Variants in KTN1 observed in about 807,000 individuals in gnomAD.
KTN1 encodes the protein kinectin.
Under a neutral mutation model 222.5 loss-of-function variants are expected in KTN1, and 130 were observed. The ratio of observed to expected loss-of-function variants is 0.58; its 90% CI spans 0.51 to 0.68. KTN1 has a LOEUF of 0.68. Among genes scored for constraint, KTN1 ranks in the 30% least tolerant of loss-of-function variants. KTN1 has a pLI of 0.00. For missense variants in KTN1, 1,508 were observed against 1,500.4 expected (o/e 1.01, Z -0.08); for synonymous variants, 512 against 496.3 (o/e 1.03, Z -0.42).
At chr14:55,613,517 G>A (rs2037905148) in intron 2 of KTN1, among the ~76,000 whole-genome samples, 1 of 147,944 alleles carries the variant, frequency 6.8e-6, no homozygotes, top group Non-Finnish European at 1.5e-5. Context: ...TTTTGAGATG[G>A]GAGTCTCACA....
intron 1 of KTN1, among the ~76,000 whole-genome samples, chr14:55,589,660 T>C (rs536626943): frequency 6.9e-4 from 96 of 139,792 alleles, no homozygotes; most frequent in Non-Finnish European, 1.2e-3. Flanking sequence ...TGATTTCTTT[T>C]TTTTTTTTTT....
intron 24 of KTN1, chr14:55,651,620 C>T: frequency 4.7e-6 from 2 of 425,056 alleles, no homozygotes; most frequent in Non-Finnish European, 8.6e-6. Flanking sequence ...CACTGCTTCA[C>T]TTGACTAGCC....
At chr14:55,582,778 T>G (rs903595743) in intron 1 of KTN1, among the ~76,000 whole-genome samples, 5 of 152,166 alleles carry the variant, frequency 3.3e-5, no homozygotes, top group African/African-American at 1.2e-4. Context: ...ACCTAATATG[T>G]AATAAGGAAA....
At chr14:55,637,978 C>A in intron 12 of KTN1, 131 bp downstream of exon 12, 1 of 646,300 alleles carries the variant, frequency 1.5e-6, no homozygotes. Flanking sequence ...AATGATGATC[C>A]TGAGTGCTAA....
At position 55,616,563 on chromosome 14, in the gene KTN1, G is replaced by A. The variant is rs367927063; in HGVS notation, c.570G>A (p.Arg190=). 11 of 1,605,820 alleles carry A rather than the reference G, an allele frequency of 6.9e-6. No individual in the cohort carries two copies. The highest frequency in any genetic ancestry group is 9.3e-6 in the Non-Finnish European group (11 of 1,177,644). Residue 190 remains arginine, a synonymous_variant, in exon 3 of 44, where the codon AGG becomes AGA. Transcript: ENST00000395314. ...AAACTCTCATGGTACCATCAAAAAG[G>A]CAAGAAGCATTGCCCCTCCACCAAG... ...KVETLMVPSK[R]QEALPLHQET...
chr14:55,650,614 G>A lies in KTN1; in HGVS notation c.2542G>A (p.Val848Ile). 1 of 1,612,314 alleles carries A rather than the reference G, an allele frequency of 6.2e-7. No individual in the cohort carries two copies. Among genetic ancestry groups the A allele is most frequent in the Non-Finnish European group, 8.5e-7 (1 of 1,178,548 alleles). ...IKALKEEIGN[V>I]QLEKAQQLSI... ...GGCTCTAAAAGAAGAAATAGGAAAT[G>A]TCCAGCTTGAAAAGGCTCAACAGGT... Residue 848 changes from valine to isoleucine, a missense_variant, in exon 24 of 44, where the codon GTC (valine) becomes ATC (isoleucine). By Grantham distance (29) the Val-to-Ile change is conservative. Coordinates refer to ENST00000395314, the MANE Select transcript of KTN1 (RefSeq NM_001079521.2).
intron 33 of KTN1, among the ~76,000 whole-genome samples, chr14:55,665,081 C>T (rs1353704608): frequency 2.0e-5 from 3 of 151,430 alleles, no homozygotes; most frequent in African/African-American, 7.3e-5. Context: ...ATTTATCTAG[C>T]CATAATTTTC....
Position 55,616,651 on chromosome 14 carries a change from A to C in KTN1, c.658A>C (p.Asn220His). 6.3e-7 allele frequency: 1 copy of C among 1,591,086 alleles called. No homozygotes were observed. Among genetic ancestry groups the C allele is most frequent in the South Asian group, 1.1e-5 (1 of 87,534 alleles). Residue 220 changes from asparagine to histidine, a missense_variant, in exon 3 of 44, where the codon AAT (asparagine) becomes CAT (histidine). Asn to His is a moderately conservative substitution (Grantham distance 68). Coordinates refer to ENST00000395314, the MANE Select transcript of KTN1 (RefSeq NM_001079521.2). ...KASSKKQKTENVFVDEPLIHA... is the reference protein window; with the variant it reads ...KASSKKQKTEHVFVDEPLIHA... ...TTCATCAAAGAAACAAAAGACAGAAAATGGTGAGATGTTTAGATATGTATT... is the reference window on the plus strand; with the variant it reads ...TTCATCAAAGAAACAAAAGACAGAACATGGTGAGATGTTTAGATATGTATT...
rs544192215 is a variant in KTN1, at chr14:55,669,574, G to C, written c.3268-1155G>C. ...CTGTTTCCTCTTGCTGTTTTGCTGA[G>C]CAGTCAACATAGGAGAGATCTAAAT... On this transcript the variant is annotated intron_variant, in intron 34 of 43. Coordinates refer to ENST00000395314, the MANE Select transcript of KTN1 (RefSeq NM_001079521.2). Among the ~76,000 whole-genome samples, 18 of 151,972 alleles carry C rather than the reference G, an allele frequency of 1.2e-4. No homozygotes were observed. In the South Asian group the frequency reaches 3.7e-3, roughly 32 times the overall value.
intron 2 of KTN1, among the ~76,000 whole-genome samples, chr14:55,616,295 A>G (rs2038382428): frequency 2.0e-5 from 3 of 152,132 alleles, no homozygotes; most frequent in Non-Finnish European, 2.9e-5. Flanking sequence ...CTATAGGCTC[A>G]GTAGGGTTGA....
intron 1 of KTN1, among the ~76,000 whole-genome samples, chr14:55,594,576 A>C (rs747949555): frequency 2.0e-5 from 3 of 149,394 alleles, no homozygotes; most frequent in Non-Finnish European, 4.4e-5. Context: ...TGTTGTCTCC[A>C]ACTTGAAAAT....
chr14:55,649,721 C>T, intron 21 of KTN1, 55 bp from the exon 22 acceptor site: 2 of 1,008,758 alleles, frequency 2.0e-6, no homozygotes, highest in Non-Finnish European at 3.0e-6. Context: ...ATTTCTATTT[C>T]TGACCCATTT....
At position 55,631,712 on chromosome 14, in the gene KTN1, G is replaced by A. The variant is rs56124983; in HGVS notation, c.1222-1523G>A. ...GGGAGGCTTGAGCCTGGAAGGATGAGGTTGCAGTGAGCCATGATCACACTA... is the reference window on the plus strand; with the variant it reads ...GGGAGGCTTGAGCCTGGAAGGATGAAGTTGCAGTGAGCCATGATCACACTA... On this transcript the variant is annotated intron_variant, in intron 7 of 43. Transcript: ENST00000395314. 7.7e-3 allele frequency among the ~76,000 whole-genome samples: 1,176 copies of A among 152,168 alleles called. 15 individuals are homozygous for A. Among genetic ancestry groups the A allele is most frequent in the African/African-American group, 0.026 (1,097 of 41,506 alleles).
intron 12 of KTN1, among the ~76,000 whole-genome samples, chr14:55,638,954 G>A (rs1299749262): frequency 1.3e-5 from 2 of 151,696 alleles, no homozygotes; most frequent in Non-Finnish European, 3.0e-5. Context: ...CTGTCAACTT[G>A]TTTTATTCTA....
At chr14:55,670,658 A>G in intron 34 of KTN1, 71 bp from the exon 35 acceptor site, 1 of 1,020,234 alleles carries the variant, frequency 9.8e-7, no homozygotes, top group South Asian at 1.6e-5. Context: ...GTTATTTTAA[A>G]TGTTTCACCT....
intron 1 of KTN1, among the ~76,000 whole-genome samples, chr14:55,582,474 C>T (rs1165073783): frequency 6.6e-6 from 1 of 152,088 alleles, no homozygotes; most frequent in African/African-American, 2.4e-5. Context: ...TTCTTAAGTT[C>T]TTAACTTGAA....
At chr14:55,651,580 G>A (rs532668412) in intron 24 of KTN1, 1 of 368,992 alleles carries the variant, frequency 2.7e-6, no homozygotes, top group African/African-American at 2.1e-5. Context: ...ATCACAACCA[G>A]TTACAGATTT....
intron 20 of KTN1, 142 bp from the exon 21 acceptor site, chr14:55,648,660 A>T: frequency 1.5e-6 from 1 of 667,706 alleles, no homozygotes; most frequent in Non-Finnish European, 2.7e-6. Context: ...TTACAGAATT[A>T]TAGACATGGA....
chr14:55,656,762 C>T (rs1017326178), intron 29 of KTN1, among the ~76,000 whole-genome samples: 6 of 152,150 alleles, frequency 3.9e-5, no homozygotes, highest in African/African-American at 1.4e-4. Flanking sequence ...CCACCGCAGC[C>T]AGCATATATC....
Sources: gnomAD v4.1 joint callset for allele counts (sites outside exome capture counted in the v4.1 genomes callset) on GRCh38, gnomAD v4.1.1 for gene constraint, MANE v1.5 for transcripts, NCBI Gene and HGNC (gene_info 2026-07-23, HGNC 2026-07-21) for gene names.